Variants in KANK1 observed in about 807,000 individuals in gnomAD.
KANK1 encodes KN motif and ankyrin repeat domain-containing protein 1.
A neutral mutation model predicts 106.2 loss-of-function variants in KANK1; 109 were observed. The observed-to-expected ratio is 1.03, with a 90% CI of 0.88 to 1.20. The LOEUF is 1.20. Among genes scored for constraint, KANK1 ranks in the 50% most tolerant of loss-of-function variants. KANK1 has a pLI of 0.00. For synonymous variants in KANK1, 873 were observed against 652.2 expected, an observed-to-expected ratio of 1.34 and a Z score of -5.16; for missense variants, 2,399 against 1,710.7, an observed-to-expected ratio of 1.40 and a Z score of -7.10.
rs925421167 is a variant in KANK1, at chr9:606,595, AAT to A, written c.-83-70292_-83-70291del. On this transcript the variant is annotated intron_variant, in intron 1 of 11. Transcript: ENST00000382297. ...ATGTGTGTGTTTTATAAACCTATAAAATATGTGTGTGTGTGTGTGTATATATT... is the reference window on the plus strand; with the variant it reads ...ATGTGTGTGTTTTATAAACCTATAAAATGTGTGTGTGTGTGTGTATATATT... Among the ~76,000 whole-genome samples the A allele has an allele frequency of 7.4e-4, 80 of 107,870 alleles. 11 individuals carry two copies. The highest frequency in any genetic ancestry group is 2.9e-3 in the African/African-American group (72 of 25,220). 70.8% of individuals were successfully genotyped at this position (107,870 alleles called of 152,430 possible). A position where few individuals can be genotyped will look rare whatever the true frequency, so the allele number is the denominator to read the frequency against.
intron 1 of KANK1, among the ~76,000 whole-genome samples, chr9:590,199 G>A (rs1476003439): frequency 6.6e-6 from 1 of 152,118 alleles, no homozygotes; most frequent in Non-Finnish European, 1.5e-5. Context: ...TTTTTAGGGG[G>A]TACATGGTTT....
chr9:712,801 C>G lies in KANK1; in HGVS notation c.2035C>G (p.Gln679Glu), dbSNP rs770189988. 3 of 1,613,872 alleles carry G rather than the reference C, an allele frequency of 1.9e-6. No individual in the cohort carries two copies. The highest frequency in any genetic ancestry group is 3.3e-5 in the Admixed American group (2 of 59,964). ...CCAGGACACTAGCACAGATTTGGAA[C>G]AGGTGCACCAGTTCACCAACACCGA... ...ADQDTSTDLE[Q>E]VHQFTNTETA... Residue 679 changes from glutamine (Q) to glutamate (E), a missense_variant, in exon 3 of 12, where the codon CAG becomes GAG. Physicochemically the swap from Gln to Glu is conservative, Grantham distance 29. Transcript: ENST00000382297.
chr9:653,173 C>A (rs1337222733), intron 1 of KANK1, among the ~76,000 whole-genome samples: 2 of 152,260 alleles, frequency 1.3e-5, no homozygotes, highest in East Asian at 1.9e-4. Flanking sequence ...GTCTGTCAGG[C>A]CTGGAAGTGT....
At chr9:532,100 C>T (rs375648701) in intron 1 of KANK1, among the ~76,000 whole-genome samples, 6 of 152,180 alleles carry the variant, frequency 3.9e-5, no homozygotes, top group Admixed American at 3.9e-4. Context: ...CCACTCTGAG[C>T]CCCTGTGGTC....
At chr9:519,432 A>C (rs760668514) in intron 1 of KANK1, among the ~76,000 whole-genome samples, 2 of 148,940 alleles carry the variant, frequency 1.3e-5, no homozygotes, top group African/African-American at 2.6e-5. Flanking sequence ...GAGGAGTCTT[A>C]ACTTTGGGTA....
At chr9:717,879 T>G (rs966352062) in intron 3 of KANK1, among the ~76,000 whole-genome samples, 20 of 152,152 alleles carry the variant, frequency 1.3e-4, no homozygotes, top group African/African-American at 4.1e-4. Flanking sequence ...ACAGTGGAAT[T>G]TAACTGCCTG....
intron 1 of KANK1, among the ~76,000 whole-genome samples, chr9:578,597 T>A (rs1359376193): frequency 6.6e-6 from 1 of 152,118 alleles, no homozygotes; most frequent in African/African-American, 2.4e-5. Flanking sequence ...ATGTTGATTT[T>A]AAAAAATAAA....
intron 7 of KANK1, 128 bp downstream of exon 7, chr9:734,963 AG>A: frequency 1.5e-6 from 1 of 682,744 alleles, no homozygotes; most frequent in Non-Finnish European, 2.6e-6. Flanking sequence ...TTCCAGCATG[AG>A]TGGGCTGGGT....
At chr9:487,370 C>T (rs2058310581) in intron 3 of KANK1, among the ~76,000 whole-genome samples, 1 of 152,176 alleles carries the variant, frequency 6.6e-6, no homozygotes, top group Non-Finnish European at 1.5e-5. Context: ...GATGATTCTG[C>T]CCACCTGTAG....
chr9:473,190 A>G (rs780142964), intron 2 of KANK1: 1 of 152,174 alleles, frequency 6.6e-6, no homozygotes, highest in Non-Finnish European at 1.5e-5. Context: ...ATTCCTTTCT[A>G]CAGGAGAGAA....
At chr9:645,488 A>T (rs975010467) in intron 1 of KANK1, among the ~76,000 whole-genome samples, 2 of 150,358 alleles carry the variant, frequency 1.3e-5, no homozygotes, top group Non-Finnish European at 2.9e-5. Flanking sequence ...ACAGTGAAAT[A>T]AAAGAAGTCA....
At chr9:643,450 G>T (rs1056547350) in intron 1 of KANK1, among the ~76,000 whole-genome samples, 3 of 149,970 alleles carry the variant, frequency 2.0e-5, no homozygotes, top group African/African-American at 7.5e-5. Context: ...CAAAATTTTG[G>T]TCCAAGCTCT....
In KANK1 at chr9:745,024, C is replaced by T. The variant is rs577873775; in HGVS notation, c.3997-149C>T. On this transcript the variant is annotated intron_variant, in intron 11 of 11. Coordinates refer to ENST00000382297, the MANE Select transcript of KANK1 (RefSeq NM_015158.5). ...GCCCAGCTGGCCTTGGAGCTGTGGA[C>T]ACCTGTTCCCTGTTCTCAGCCAGAG... The T allele has an allele frequency of 1.3e-5, 20 of 1,511,092 alleles. No individual in the cohort carries two copies. The African/African-American group carries it at 2.2e-4, about 17-fold the overall frequency. 93.6% of individuals were successfully genotyped at this position (1,511,092 alleles called of 1,614,324 possible).
At chr9:588,123 A>G (rs529896471) in intron 1 of KANK1, among the ~76,000 whole-genome samples, 3 of 152,148 alleles carry the variant, frequency 2.0e-5, no homozygotes, top group South Asian at 4.2e-4. Context: ...CATAGCTGGT[A>G]AACCCACACT....
At chr9:537,687 C>T (rs769893807) in intron 1 of KANK1, among the ~76,000 whole-genome samples, 8 of 152,012 alleles carry the variant, frequency 5.3e-5, no homozygotes, top group Admixed American at 6.6e-5. Context: ...GGTGGGAGAT[C>T]GATTTTTGCC....
At chr9:604,973 G>A (rs765346609) in intron 1 of KANK1, among the ~76,000 whole-genome samples, 6 of 151,868 alleles carry the variant, frequency 4.0e-5, no homozygotes, top group Non-Finnish European at 7.3e-5. Flanking sequence ...ATTGGGCAAT[G>A]TCTGACAGTT....
At chr9:471,240 A>G (rs1328896298) in intron 2 of KANK1, among the ~76,000 whole-genome samples, 1 of 152,224 alleles carries the variant, frequency 6.6e-6, no homozygotes, top group African/African-American at 2.4e-5. Context: ...AAGGAAAGCG[A>G]TAGTGCCAGC....
intron 1 of KANK1, among the ~76,000 whole-genome samples, chr9:507,556 A>AT (rs755577004): frequency 0.019 from 2,469 of 127,402 alleles, 52 homozygotes; most frequent in Admixed American, 0.029. Context: ...TGCCCGGCTA[A>AT]TTTTTTTTTT....
chr9:536,167 G>C (rs2060288691), intron 1 of KANK1, among the ~76,000 whole-genome samples: 1 of 151,974 alleles, frequency 6.6e-6, no homozygotes, highest in South Asian at 2.1e-4. Context: ...GTGAAACTCT[G>C]TCTCTACTAA....
Sources: allele counts gnomAD v4.1 joint callset (sites outside exome capture counted in the v4.1 genomes callset), GRCh38; gene constraint gnomAD v4.1.1; transcripts MANE v1.5; gene names NCBI Gene and HGNC (gene_info 2026-07-23, HGNC 2026-07-21).